Variants in PTPN20 observed in about 807,000 individuals in gnomAD.
The protein encoded by PTPN20 is protein tyrosine phosphatase non-receptor type 20, also known as tyrosine-protein phosphatase non-receptor type 20.
A neutral mutation model predicts 35.0 loss-of-function variants in PTPN20; 9 were observed. That is an observed-to-expected ratio of 0.26 (90% CI 0.15 to 0.45). The LOEUF (loss-of-function observed/expected upper bound fraction) is 0.45, where lower values mean the gene tolerates loss of function less well. PTPN20 is among the 20% of genes least tolerant of loss of function. The probability of loss-of-function intolerance (pLI) is 1.00; values close to 1 mark genes in which losing one functional copy is unlikely to be tolerated. For missense variants in PTPN20, 111 were observed against 312.5 expected (o/e 0.36, Z 4.86); for synonymous variants, 32 against 100.2 (o/e 0.32, Z 4.06).
chr10:46,994,378 G>A (rs2137580451), intron 9 of PTPN20, among the ~76,000 whole-genome samples: 1 of 147,790 alleles, frequency 6.8e-6, no homozygotes, highest in South Asian at 2.1e-4. Context: ...GCCCAGGCGG[G>A]AGTGCAGTGG....
At chr10:46,924,995 A>C (rs2036687514) in intron 1 of PTPN20, among the ~76,000 whole-genome samples, 1 of 148,072 alleles carries the variant, frequency 6.8e-6, no homozygotes, top group Non-Finnish European at 1.5e-5. Context: ...AAGCCTGCTG[A>C]ATTGATTTAG....
intron 9 of PTPN20, among the ~76,000 whole-genome samples, chr10:46,996,321 C>T (rs2059102872): frequency 6.6e-6 from 1 of 152,196 alleles, no homozygotes; most frequent in South Asian, 2.1e-4. Flanking sequence ...TTAACCACTA[C>T]AGCCACATTT....
intron 7 of PTPN20, among the ~76,000 whole-genome samples, chr10:46,983,929 G>A (rs1220318829): frequency 6.6e-6 from 1 of 150,426 alleles, no homozygotes; most frequent in African/African-American, 2.5e-5. Flanking sequence ...CCTTGCCCAT[G>A]CCACTTCTAG....
chr10:46,960,635 T>C (rs2049722882), intron 5 of PTPN20, among the ~76,000 whole-genome samples: 1 of 152,042 alleles, frequency 6.6e-6, no homozygotes, highest in African/African-American at 2.4e-5. Flanking sequence ...ACATATGTTA[T>C]ATCTCTGTCT....
chr10:46,919,038 C>A (rs2034114002), intron 1 of PTPN20, among the ~76,000 whole-genome samples: 1 of 142,986 alleles, frequency 7.0e-6, no homozygotes, highest in South Asian at 2.4e-4. Flanking sequence ...TGTAATGCCC[C>A]TTTTCATTTC....
intron 5 of PTPN20, among the ~76,000 whole-genome samples, chr10:46,952,708 T>A (rs1286370006): frequency 6.6e-6 from 1 of 151,498 alleles, no homozygotes; most frequent in African/African-American, 2.4e-5. Flanking sequence ...CATTAGTAGT[T>A]CTGCCTAAAT....
intron 1 of PTPN20, among the ~76,000 whole-genome samples, chr10:46,920,575 TC>T (rs1223290927): frequency 6.9e-6 from 1 of 145,464 alleles, no homozygotes; most frequent in Non-Finnish European, 1.5e-5. Flanking sequence ...GGGATGAAGC[TC>T]CCCAGAGTTT....
At chr10:46,937,950 C>CTTTTT (rs1266304586) in intron 2 of PTPN20, among the ~76,000 whole-genome samples, 1 of 127,178 alleles carries the variant, frequency 7.9e-6, no homozygotes, top group African/African-American at 3.0e-5. Context: ...TTTTTCTTTT[C>CTTTTT]TTTTTTTTTT....
At chr10:46,935,326 ATTG>A (rs2041195334) in intron 2 of PTPN20, among the ~76,000 whole-genome samples, 3 of 45,214 alleles carry the variant, frequency 6.6e-5, no homozygotes, top group Non-Finnish European at 1.4e-4. Flanking sequence ...TTTTTTTTTT[ATTG>A]TTGTTGTTGT....
At chr10:46,928,593 A>G (rs2038511883) in intron 1 of PTPN20, among the ~76,000 whole-genome samples, 3 of 151,852 alleles carry the variant, frequency 2.0e-5, no homozygotes, top group Admixed American at 6.5e-5. Context: ...CCCCAGTCCT[A>G]TACTCACACA....
intron 5 of PTPN20, among the ~76,000 whole-genome samples, chr10:46,964,519 G>A (rs1223042156): frequency 5.5e-5 from 8 of 144,860 alleles, no homozygotes; most frequent in African/African-American, 1.3e-4. Context: ...GTGTGTGCAC[G>A]TGTGTGCGTT....
intron 2 of PTPN20, 82 bp from the exon 3 acceptor site, chr10:46,940,541 T>C: frequency 1.4e-6 from 2 of 1,427,844 alleles, no homozygotes; most frequent in Non-Finnish European, 2.0e-6. Context: ...CTCATGTAGC[T>C]TGTTTTTTCT....
rs2056451857 is a variant in PTPN20 at position 46,984,406 on chromosome 10, A to G, written c.760A>G (p.Ile254Val). The change falls in exon 8 of 11, where the codon ATA becomes GTA. Residue 254 changes from isoleucine to valine, a missense_variant. Ile to Val is a conservative substitution (Grantham distance 29). This residue lies in a region of PTPN20 where 15 missense variants were observed against 24.9 expected (regional missense o/e 0.60). Transcript: ENST00000374339. The stretch of plus-strand genomic sequence containing the variant: ...AAATAATTCAAATGTTATTGCCATG[A>G]TAACCAGAGAGATAGAAGGTGGAAT... ...LENNSNVIAMITREIEGGIIK... is the reference protein window; with the variant it reads ...LENNSNVIAMVTREIEGGIIK... 3 of 1,611,896 alleles carry G rather than the reference A, an allele frequency of 1.9e-6. No individual in the cohort carries two copies. The highest frequency in any genetic ancestry group is 3.3e-5 in the Admixed American group (2 of 60,008).
At chr10:46,988,873 A>G (rs1436372635) in intron 9 of PTPN20, among the ~76,000 whole-genome samples, 2 of 150,610 alleles carry the variant, frequency 1.3e-5, no homozygotes, top group Non-Finnish European at 3.0e-5. Context: ...GCTATTGTAA[A>G]TAAGATCACC....
chr10:46,946,583 G>A lies in PTPN20; in HGVS notation c.248G>A (p.Trp83Ter). 1 of 1,611,540 alleles carries A rather than the reference G, an allele frequency of 6.2e-7. No homozygotes were observed. Among genetic ancestry groups the A allele is most frequent in the Non-Finnish European group, 8.5e-7 (1 of 1,179,662 alleles). ...TCTAGTGGCAGTGATCCCAGCATGT[G>A]GACAGCCAGAGGCCCCTTCAGAAGA... ...PSESGSDPSM[W>*]TARGPFRRDR... The change falls in exon 5 of 11, where the codon TGG (tryptophan) becomes TAG (stop). Residue 83 changes from tryptophan (W) to a stop codon, truncating the protein, a stop_gained. Transcript: ENST00000374339. LOFTEE classifies it high-confidence loss of function.
chr10:46,988,916 G>T (rs2057380516), intron 9 of PTPN20, among the ~76,000 whole-genome samples: 1 of 147,468 alleles, frequency 6.8e-6, no homozygotes. Flanking sequence ...TTTGTTATTG[G>T]AGTCTAGAAA....
intron 2 of PTPN20, among the ~76,000 whole-genome samples, chr10:46,939,591 T>C (rs1303036518): frequency 1.4e-5 from 2 of 147,420 alleles, no homozygotes; most frequent in African/African-American, 5.1e-5. Flanking sequence ...TATTTTTCTT[T>C]ATGATTTTCT....
chr10:46,995,328 T>G (rs2137696082), intron 9 of PTPN20, among the ~76,000 whole-genome samples: 1 of 139,638 alleles, frequency 7.2e-6, no homozygotes, highest in African/African-American at 2.8e-5. Context: ...TCGAATTTTT[T>G]TTTTCTTTTT....
At chr10:46,982,794 G>C (rs1424149791) in intron 7 of PTPN20, among the ~76,000 whole-genome samples, 1 of 151,858 alleles carries the variant, frequency 6.6e-6, no homozygotes, top group Non-Finnish European at 1.5e-5. Flanking sequence ...ATTATTATAT[G>C]ACATATATCA....
Sources: allele counts gnomAD v4.1 joint callset (sites outside exome capture counted in the v4.1 genomes callset), GRCh38; gene constraint gnomAD v4.1.1; regional missense constraint gnomAD v4.1.1; transcripts MANE v1.5; gene names NCBI Gene and HGNC (gene_info 2026-07-23, HGNC 2026-07-21).